The following SUGP2 variants were observed in gnomAD, a reference collection of about 807,000 sequenced individuals.
The protein encoded by SUGP2 is SURP and G-patch domain-containing protein 2.
Under a neutral mutation model 90.5 loss-of-function variants are expected in SUGP2, and 24 were observed. That is an observed-to-expected ratio of 0.27 (90% CI 0.19 to 0.37). The LOEUF (loss-of-function observed/expected upper bound fraction) is 0.37, where lower values mean the gene tolerates loss of function less well. SUGP2 is among the 10% of genes least tolerant of loss of function. SUGP2 has a pLI of 1.00. For synonymous variants in SUGP2, 473 were observed against 513.4 expected (o/e 0.92, Z 1.06); for missense variants, 1,233 against 1,363.3 (o/e 0.90, Z 1.51).
rs2058921521 is a variant in SUGP2 at position 19,026,146 on chromosome 19, A to G, written c.202T>C (p.Ser68Pro). ...HSDGRYSLSG[S>P]VAHSRDAGRE... ...CCGGCATCTCTAGAGTGAGCTACAG[A>G]TCCACTGAGGGAGTATCTGCCATCG... The change falls in exon 3 of 11, where the codon TCT (serine) becomes CCT (proline). Residue 68 changes from serine to proline, a missense_variant. This residue lies in a region of SUGP2 where 418 missense variants were observed against 399.9 expected (regional missense o/e 1.05). Transcript: ENST00000452918. 1 of 1,613,958 alleles carries G rather than the reference A, an allele frequency of 6.2e-7. No individual in the cohort carries two copies. The highest frequency in any genetic ancestry group is 8.5e-7 in the Non-Finnish European group (1 of 1,179,996).
In SUGP2 at chr19:19,027,311, T is replaced by C. The variant is rs775524751; in HGVS notation, c.122-1085A>G. Among the ~76,000 whole-genome samples the C allele has an allele frequency of 4.0e-4, 61 of 152,002 alleles. 1 individual carries two copies. Among genetic ancestry groups the C allele is most frequent in the Admixed American group, 2.0e-3 (30 of 15,250 alleles). The stretch of plus-strand genomic sequence containing the variant: ...TGACCTAGTTAAAAAAAAAATCAAA[T>C]GAACAGGGAAGGAGAGGTGCCAGGA... On this transcript the variant is annotated intron_variant, in intron 2 of 10. Transcript: ENST00000452918.
chr19:19,023,877 G>A (rs1231331731), intron 3 of SUGP2, among the ~76,000 whole-genome samples: 1 of 151,908 alleles, frequency 6.6e-6, no homozygotes, highest in Non-Finnish European at 1.5e-5. Flanking sequence ...CTGGGTGACA[G>A]AGCACGACCC....
intron 8 of SUGP2, among the ~76,000 whole-genome samples, chr19:19,001,157 A>T (rs2057816407): frequency 6.6e-6 from 1 of 151,822 alleles, no homozygotes; most frequent in African/African-American, 2.4e-5. Flanking sequence ...CTGGGACTAC[A>T]GGCGCCTGCC....
At chr19:19,008,089 T>A (rs558319150) in intron 6 of SUGP2, among the ~76,000 whole-genome samples, 1 of 152,264 alleles carries the variant, frequency 6.6e-6, no homozygotes, top group South Asian at 2.1e-4. Flanking sequence ...AGGAATGCAT[T>A]GGCCAGGCTG....
In SUGP2 at chr19:19,026,121, C is replaced by T. The variant is rs763552355; in HGVS notation, c.227G>A (p.Gly76Glu). The T allele has an allele frequency of 6.2e-6, 10 of 1,614,122 alleles. No homozygotes were observed. The highest frequency in any genetic ancestry group is 8.5e-6 in the Non-Finnish European group (10 of 1,180,024). The change falls in exon 3 of 11, where the codon GGA (glycine) becomes GAA (glutamate). Residue 76 changes from glycine (G) to glutamate (E), a missense_variant. Around this residue, in one of 8 missense-constraint regions of SUGP2, gnomAD observed 418 missense variants for 399.9 expected, o/e 1.05. Coordinates refer to ENST00000452918, the MANE Select transcript of SUGP2 (RefSeq NM_001017392.5). ...TACGTCACTTCTCAGGCCTTCTCTT[C>T]CGGCATCTCTAGAGTGAGCTACAGA... The part of the protein sequence containing the change: ...SGSVAHSRDA[G>E]REGLRSDVFP...
intron 8 of SUGP2, 130 bp downstream of exon 8, chr19:19,001,483 G>A: frequency 1.1e-6 from 1 of 936,270 alleles, no homozygotes; most frequent in East Asian, 2.5e-5. Context: ...AGTCTCTGTT[G>A]TGTTTTACAC....
intron 3 of SUGP2, among the ~76,000 whole-genome samples, chr19:19,020,413 C>G (rs187827677): frequency 7.0e-6 from 1 of 142,418 alleles, no homozygotes; most frequent in South Asian, 2.4e-4. Context: ...GCCTGAGCGT[C>G]AGAGTGAGAC....
chr19:19,001,723 A>C, intron 7 of SUGP2, 49 bp from the exon 8 acceptor site: 2 of 1,584,982 alleles, frequency 1.3e-6, no homozygotes, highest in Non-Finnish European at 1.7e-6. Context: ...GCTTTTCCTA[A>C]ATTACTTAGA....
At chr19:19,008,491 G>A in intron 5 of SUGP2, 63 bp from the exon 6 acceptor site, 1 of 1,335,780 alleles carries the variant, frequency 7.5e-7, no homozygotes, top group Admixed American at 1.7e-5. Context: ...TGTAAACACT[G>A]CAGGGTTGTG....
intron 4 of SUGP2, among the ~76,000 whole-genome samples, chr19:19,016,830 A>C (rs1199798249): frequency 6.6e-6 from 1 of 152,248 alleles, no homozygotes; most frequent in Non-Finnish European, 1.5e-5. Context: ...TGTTTATTAA[A>C]TAAAAAGTAT....
In SUGP2 at chr19:19,019,202, A is replaced by G. The variant is rs1358341022; in HGVS notation, c.1757T>C (p.Val586Ala). The G allele has an allele frequency of 6.2e-7, 1 of 1,614,006 alleles. No homozygotes were observed. Among genetic ancestry groups the G allele is most frequent in the East Asian group, 2.2e-5 (1 of 44,878 alleles). The change falls in exon 4 of 11, where the codon GTA becomes GCA. Residue 586 changes from valine (V) to alanine (A), a missense_variant. Physicochemically the swap from Val to Ala is moderately conservative, Grantham distance 64. This residue lies in a region of SUGP2 where 540 missense variants were observed against 542.6 expected (regional missense o/e 1.00). Coordinates refer to ENST00000452918, the MANE Select transcript of SUGP2 (RefSeq NM_001017392.5). ...CACAAGCTGGTCGATGGTGCCCACT[A>G]CCCTGTGATCTGCTCGCTGGGGGAC... Reference protein sequence around the residue: ...DAVPQRADHRVVGTIDQLVKR... With the variant: ...DAVPQRADHRAVGTIDQLVKR...
chr19:18,999,772 A>C (rs773870317), intron 8 of SUGP2, among the ~76,000 whole-genome samples: 1 of 152,090 alleles, frequency 6.6e-6, no homozygotes, highest in South Asian at 2.1e-4. Flanking sequence ...GTCTCTCCAC[A>C]TGTGTCCCAG....
chr19:19,017,295 G>A (rs1434222444), intron 4 of SUGP2, among the ~76,000 whole-genome samples: 1 of 152,188 alleles, frequency 6.6e-6, no homozygotes. Context: ...AACATCAATG[G>A]TCTCCATCAG....
intron 2 of SUGP2, among the ~76,000 whole-genome samples, chr19:19,026,533 G>T (rs1026119692): frequency 3.3e-5 from 5 of 152,256 alleles, no homozygotes; most frequent in Admixed American, 1.3e-4. Flanking sequence ...TCTCTAAGTT[G>T]GCACCAACAG....
chr19:19,022,221 T>C (rs1196455996), intron 3 of SUGP2, among the ~76,000 whole-genome samples: 4 of 152,228 alleles, frequency 2.6e-5, no homozygotes, highest in Non-Finnish European at 5.9e-5. Context: ...CCTGACCTCA[T>C]GATCCACCCG....
rs1296048276 is a variant in SUGP2 at position 18,992,401 on chromosome 19, G to A, written c.*1340C>T. ...GTCTTGCTCTGTCGCCCAGGCTGGAGTGGAGTGGCATGATCTCAGCTCACT... is the reference window on the plus strand; with the variant it reads ...GTCTTGCTCTGTCGCCCAGGCTGGAATGGAGTGGCATGATCTCAGCTCACT... On this transcript the variant is annotated 3_prime_UTR_variant, in exon 11 of 11. Coordinates refer to ENST00000452918, the MANE Select transcript of SUGP2 (RefSeq NM_001017392.5). 5.6e-5 allele frequency: 8 copies of A among 142,268 alleles called. No individual in the cohort carries two copies. In the Admixed American group the frequency reaches 5.9e-4, roughly 10 times the overall value. 8.8% of individuals were successfully genotyped at this position (142,268 alleles called of 1,614,324 possible).
In SUGP2 at chr19:19,033,440, G is replaced by T; in HGVS notation, c.-15C>A. The T allele has an allele frequency of 7.2e-7, 1 of 1,388,580 alleles. No individual in the cohort carries two copies. Among genetic ancestry groups the T allele is most frequent in the Non-Finnish European group, 9.3e-7 (1 of 1,070,206 alleles). 86.0% of individuals were successfully genotyped at this position (1,388,580 alleles called of 1,614,324 possible). On this transcript the variant is annotated 5_prime_UTR_variant, in exon 1 of 11. Transcript: ENST00000452918. ...GACGCCAGGGCCCGGGCCTCACCCCGAGACCACCGCGCGCGGAGCCACCCC... is the reference window on the plus strand; with the variant it reads ...GACGCCAGGGCCCGGGCCTCACCCCTAGACCACCGCGCGCGGAGCCACCCC...
At chr19:19,030,133 C>T (rs1301806510) in intron 2 of SUGP2, among the ~76,000 whole-genome samples, 1 of 150,850 alleles carries the variant, frequency 6.6e-6, no homozygotes, top group Non-Finnish European at 1.5e-5. Flanking sequence ...GAAAACATAG[C>T]AAGACTCCAT....
chr19:19,001,209 G>T lies in SUGP2; in HGVS notation c.2991+404C>A, dbSNP rs973451859. 1.8e-4 allele frequency among the ~76,000 whole-genome samples: 27 copies of T among 152,146 alleles called. No homozygotes were observed. In the Middle Eastern group the frequency reaches 0.01, roughly 58 times the overall value. On this transcript the variant is annotated intron_variant, in intron 8 of 10. Transcript: ENST00000452918. ...TTTTTGTATTTTTAGTAGAGACGGG[G>T]TTTCATCGTGTTAGCCAGGATGGTC... is the stretch of plus-strand genomic sequence containing the variant.
Sources: allele counts gnomAD v4.1 joint callset (sites outside exome capture counted in the v4.1 genomes callset), GRCh38; gene constraint gnomAD v4.1.1; regional missense constraint gnomAD v4.1.1; transcripts MANE v1.5; gene names NCBI Gene and HGNC (gene_info 2026-07-23, HGNC 2026-07-21).